Variants in CACNG5 observed in about 807,000 individuals in gnomAD.
CACNG5 encodes the protein voltage-dependent calcium channel gamma-5 subunit.
CACNG5 carries 18 observed loss-of-function variants against 24.8 expected under a neutral mutation model. The observed-to-expected ratio is 0.73, with a 90% CI of 0.50 to 1.08. The LOEUF (loss-of-function observed/expected upper bound fraction) is 1.08. Among genes scored for constraint, CACNG5 ranks in the 50% least tolerant of loss-of-function variants. The probability of loss-of-function intolerance (pLI) is 0.00; values close to 1 mark genes in which losing one functional copy is unlikely to be tolerated. For missense variants in CACNG5, 349 were observed against 367.9 expected (o/e 0.95, Z 0.42); for synonymous variants, 157 against 149.1 (o/e 1.05, Z -0.39).
chr17:66,861,149 T>C (rs771600051), intron 1 of CACNG5, among the ~76,000 whole-genome samples: 1 of 152,198 alleles, frequency 6.6e-6, no homozygotes, highest in Non-Finnish European at 1.5e-5. Context: ...AGAATTGTAA[T>C]ATATTTGACA....
chr17:66,866,179 A>C lies in CACNG5; in HGVS notation c.-103-11051A>C, dbSNP rs1275488401. 2.0e-5 allele frequency among the ~76,000 whole-genome samples: 3 copies of C among 152,196 alleles called. No homozygotes were observed. The East Asian group carries it at 5.8e-4, about 29-fold the overall frequency. On this transcript the variant is annotated intron_variant, in intron 1 of 5. Transcript: ENST00000533854. ...TTGGTATATGCAAATCAGAGACTAT[A>C]TATATTCTGCAGCTACTAAAAACAG...
At chr17:66,877,840 G>A (rs752988588) in intron 2 of CACNG5, among the ~76,000 whole-genome samples, 1 of 152,222 alleles carries the variant, frequency 6.6e-6, no homozygotes, top group Non-Finnish European at 1.5e-5. Context: ...GATCTCAAAT[G>A]TTCATGCATG....
chr17:66,843,311 G>A (rs1244537307), intron 1 of CACNG5, among the ~76,000 whole-genome samples: 1 of 152,182 alleles, frequency 6.6e-6, no homozygotes, highest in Non-Finnish European at 1.5e-5. Flanking sequence ...CCAAACAAAG[G>A]AGGGGAAAAG....
Position 66,886,711 on chromosome 17 carries a change from G to A in CACNG5, c.*1471G>A, listed in dbSNP as rs1026116692. ...CCAGAAAGCTGCACGTCTGGTGTGC[G>A]CAGCCTTGGAGAGGCGGTGTGTCAG... is the stretch of plus-strand genomic sequence containing the variant. On this transcript the variant is annotated 3_prime_UTR_variant, in exon 6 of 6. Transcript: ENST00000533854. 2.6e-5 allele frequency among the ~76,000 whole-genome samples: 4 copies of A among 152,234 alleles called. No homozygotes were observed. The highest frequency in any genetic ancestry group is 7.2e-5 in the African/African-American group (3 of 41,466).
intron 1 of CACNG5, among the ~76,000 whole-genome samples, chr17:66,839,806 C>G (rs1045479876): frequency 1.3e-5 from 2 of 152,116 alleles, no homozygotes; most frequent in Admixed American, 1.3e-4. Context: ...ACCTGCTAGG[C>G]ACAAACGCCG....
intron 1 of CACNG5, among the ~76,000 whole-genome samples, chr17:66,847,955 C>T (rs527841635): frequency 2.0e-5 from 3 of 152,316 alleles, no homozygotes; most frequent in Admixed American, 6.5e-5. Context: ...GACCCTTGGC[C>T]GGGGTAGGCT....
chr17:66,886,786 C>A lies in CACNG5; in HGVS notation c.*1546C>A, dbSNP rs879221534. ...ACCACAGACTGAGTGGCTTAAATAACGCACATGAATTTTCCTACAGTTCTG... is the reference window on the plus strand; with the variant it reads ...ACCACAGACTGAGTGGCTTAAATAAAGCACATGAATTTTCCTACAGTTCTG... On this transcript the variant is annotated 3_prime_UTR_variant, in exon 6 of 6. Coordinates refer to ENST00000533854, the MANE Select transcript of CACNG5 (RefSeq NM_145811.3). Among the ~76,000 whole-genome samples the A allele has an allele frequency of 2.4e-4, 37 of 152,170 alleles. 1 individual carries two copies. The highest frequency in any genetic ancestry group is 1.6e-3 in the Admixed American group (25 of 15,284).
At chr17:66,853,615 A>C (rs1598048943) in intron 1 of CACNG5, among the ~76,000 whole-genome samples, 2 of 152,342 alleles carry the variant, frequency 1.3e-5, no homozygotes, top group South Asian at 2.1e-4. Flanking sequence ...AAGAGTATAT[A>C]TGTAAGACAA....
Position 66,888,992 on chromosome 17 carries a change from G to T in CACNG5, c.*3752G>T, listed in dbSNP as rs984209301. 3.3e-5 allele frequency among the ~76,000 whole-genome samples: 5 copies of T among 152,208 alleles called. No homozygotes were observed. The highest frequency in any genetic ancestry group is 5.9e-5 in the Non-Finnish European group (4 of 68,024). On this transcript the variant is annotated 3_prime_UTR_variant, in exon 6 of 6. Transcript: ENST00000533854. ...AAAATGGCAGTGCTTGTCCAAGATG[G>T]TGAAGCTCCTGCTCTGTCAGTGCAG...
chr17:66,856,573 G>A (rs1261245489), intron 1 of CACNG5, among the ~76,000 whole-genome samples: 4 of 141,922 alleles, frequency 2.8e-5, no homozygotes, highest in Admixed American at 7.3e-5. Flanking sequence ...ACAGAGTCTC[G>A]CTCTGTCGCC....
chr17:66,871,395 C>T (rs552224515), intron 1 of CACNG5, among the ~76,000 whole-genome samples: 1 of 152,210 alleles, frequency 6.6e-6, no homozygotes, highest in Admixed American at 6.5e-5. Flanking sequence ...TCTCTTTCCA[C>T]TTCCTTCCTC....
chr17:66,853,568 GT>G (rs1976733993), intron 1 of CACNG5, among the ~76,000 whole-genome samples: 1 of 152,096 alleles, frequency 6.6e-6, no homozygotes. Flanking sequence ...TCTCATTGTG[GT>G]TCAACTGAAA....
intron 1 of CACNG5, among the ~76,000 whole-genome samples, chr17:66,837,687 C>T (rs1976499731): frequency 1.3e-5 from 2 of 152,182 alleles, no homozygotes. Flanking sequence ...TCCTTAACAT[C>T]AATGACTTGT....
rs1034893133 is a variant in CACNG5 at position 66,886,853 on chromosome 17, C to T, written c.*1613C>T. Reference sequence around the variant, plus strand: ...ATCACGGTGTTGGCAGGATTGGTTTCTTCTGAGGCCTCTGTCCTTGGCTTG... The same window carrying T: ...ATCACGGTGTTGGCAGGATTGGTTTTTTCTGAGGCCTCTGTCCTTGGCTTG... On this transcript the variant is annotated 3_prime_UTR_variant, in exon 6 of 6. Coordinates refer to ENST00000533854, the MANE Select transcript of CACNG5 (RefSeq NM_145811.3). 6.6e-6 allele frequency among the ~76,000 whole-genome samples: 1 copy of T among 152,108 alleles called. No individual in the cohort carries two copies. The highest frequency in any genetic ancestry group is 1.5e-5 in the Non-Finnish European group (1 of 68,018).
chr17:66,863,749 C>A (rs1162782701), intron 1 of CACNG5, among the ~76,000 whole-genome samples: 2 of 152,210 alleles, frequency 1.3e-5, no homozygotes, highest in Non-Finnish European at 2.9e-5. Context: ...TGCTTCAATG[C>A]TGATCATTCT....
At chr17:66,845,705 G>T (rs562455052) in intron 1 of CACNG5, among the ~76,000 whole-genome samples, 1 of 152,264 alleles carries the variant, frequency 6.6e-6, no homozygotes, top group South Asian at 2.1e-4. Flanking sequence ...CTACCTGCTT[G>T]TTGAATAGCA....
chr17:66,836,466 C>G (rs1429564213), intron 1 of CACNG5, among the ~76,000 whole-genome samples: 5 of 152,210 alleles, frequency 3.3e-5, no homozygotes, highest in Admixed American at 2.0e-4. Flanking sequence ...GTCCTGGATT[C>G]AGAGTATCTC....
chr17:66,849,206 C>T (rs551623763), intron 1 of CACNG5, among the ~76,000 whole-genome samples: 3 of 152,174 alleles, frequency 2.0e-5, no homozygotes, highest in Admixed American at 6.5e-5. Flanking sequence ...TTTCCTCCAC[C>T]CCCTCTTCCC....
At chr17:66,884,341 G>A (rs777837794) in intron 4 of CACNG5, among the ~76,000 whole-genome samples, 175 bp from the exon 5 acceptor site, 9 of 152,164 alleles carry the variant, frequency 5.9e-5, no homozygotes, top group Non-Finnish European at 1.2e-4. Flanking sequence ...GAAGGTGCTG[G>A]TCTGAACAGG....
Sources: gnomAD v4.1 joint callset for allele counts (sites outside exome capture counted in the v4.1 genomes callset) on GRCh38, gnomAD v4.1.1 for gene constraint, MANE v1.5 for transcripts, NCBI Gene and HGNC (gene_info 2026-07-23, HGNC 2026-07-21) for gene names.